FAM117B: variants seen among roughly 807,000 people sequenced by gnomAD.
FAM117B encodes the protein family with sequence similarity 117 member B.
A neutral mutation model predicts 52.8 loss-of-function variants in FAM117B; 22 were observed. That is an observed-to-expected ratio of 0.42 (90% CI 0.30 to 0.59). The LOEUF is 0.59. Ranked by LOEUF, FAM117B falls within the 20% of genes least tolerant of loss-of-function variation. FAM117B has a pLI of 0.22. For synonymous variants in FAM117B, 309 were observed against 324.1 expected, an observed-to-expected ratio of 0.95 and a Z score of 0.50; for missense variants, 678 against 802.6, an observed-to-expected ratio of 0.84 and a Z score of 1.88.
chr2:202,726,843 G>A (rs1312037207), intron 4 of FAM117B, among the ~76,000 whole-genome samples: 1 of 151,906 alleles, frequency 6.6e-6, no homozygotes, highest in Non-Finnish European at 1.5e-5. Context: ...TAAATGATGA[G>A]TTAATGGGTA....
intron 1 of FAM117B, among the ~76,000 whole-genome samples, chr2:202,676,375 GT>G (rs71030983): frequency 0.7 from 91,123 of 130,886 alleles, 30,832 homozygotes; most frequent in Non-Finnish European, 0.77. Flanking sequence ...AATATTCCTT[GT>G]TTTTTTTTTT....
At chr2:202,648,392 C>T (rs1329147956) in intron 1 of FAM117B, among the ~76,000 whole-genome samples, 1 of 151,908 alleles carries the variant, frequency 6.6e-6, no homozygotes, top group African/African-American at 2.4e-5. Context: ...CGGTGTGCGC[C>T]TGTAGTCCCA....
chr2:202,748,437 A>G (rs1410722671), intron 4 of FAM117B, among the ~76,000 whole-genome samples: 1 of 152,150 alleles, frequency 6.6e-6, no homozygotes, highest in African/African-American at 2.4e-5. Context: ...ATGAGACTAT[A>G]TTAAATTTAA....
intron 1 of FAM117B, among the ~76,000 whole-genome samples, chr2:202,684,494 G>A (rs13394639): frequency 0.09 from 13,677 of 152,102 alleles, 2,069 homozygotes; most frequent in African/African-American, 0.31. Flanking sequence ...CAGCTCTCGT[G>A]TTATAAACAA....
intron 2 of FAM117B, 82 bp from the exon 3 acceptor site, chr2:202,724,835 A>C (rs1352277671): frequency 1.0e-6 from 1 of 957,960 alleles, no homozygotes. Context: ...TAATGGAAAT[A>C]TGTTTTATAA....
At chr2:202,714,361 T>A (rs913725222) in intron 2 of FAM117B, among the ~76,000 whole-genome samples, 3 of 152,158 alleles carry the variant, frequency 2.0e-5, no homozygotes, top group African/African-American at 4.8e-5. Flanking sequence ...TTTTTTGTTG[T>A]TGATTTTATG....
At chr2:202,678,026 C>T (rs1690403966) in intron 1 of FAM117B, among the ~76,000 whole-genome samples, 1 of 152,114 alleles carries the variant, frequency 6.6e-6, no homozygotes. Context: ...CTGGATGATA[C>T]ATCAGGAGTC....
intron 4 of FAM117B, among the ~76,000 whole-genome samples, chr2:202,737,550 A>C (rs1294198520): frequency 1.3e-5 from 2 of 151,992 alleles, no homozygotes; most frequent in Admixed American, 1.3e-4. Context: ...GTCTTCTTTC[A>C]CTCAACGATA....
At chr2:202,691,979 AAAGC>A (rs1400883668) in intron 1 of FAM117B, among the ~76,000 whole-genome samples, 27 of 152,276 alleles carry the variant, frequency 1.8e-4, no homozygotes, top group Middle Eastern at 6.8e-3. Context: ...AATAACTGAG[AAAGC>A]AAATTATGTG....
rs529253463 is a variant in FAM117B at position 202,692,148 on chromosome 2, T to G, written c.602-3733T>G. Among the ~76,000 whole-genome samples, 3 of 152,298 alleles carry G rather than the reference T, an allele frequency of 2.0e-5. No homozygotes were observed. The East Asian group carries it at 5.8e-4, about 29-fold the overall frequency. On this transcript the variant is annotated intron_variant, in intron 1 of 7. Coordinates refer to ENST00000392238, the MANE Select transcript of FAM117B (RefSeq NM_173511.4). ...CAAGACCCTTACCAAGATAATAATG[T>G]AATATAGAGAGGTGTCAAGAGGTGT...
chr2:202,710,488 A>G (rs1402754594), intron 2 of FAM117B, among the ~76,000 whole-genome samples: 2 of 152,172 alleles, frequency 1.3e-5, no homozygotes, highest in Admixed American at 1.3e-4. Context: ...ATATTTGATT[A>G]TAATGCATAA....
chr2:202,748,934 T>G (rs942660478), intron 4 of FAM117B, among the ~76,000 whole-genome samples: 3 of 152,104 alleles, frequency 2.0e-5, no homozygotes, highest in South Asian at 2.1e-4. Context: ...AAAATGTGGT[T>G]GTGTGTGTGC....
chr2:202,716,987 C>T (rs1314986931), intron 2 of FAM117B, among the ~76,000 whole-genome samples: 1 of 152,170 alleles, frequency 6.6e-6, no homozygotes, highest in East Asian at 1.9e-4. Context: ...TCTTAAAGGT[C>T]ACATATCTGT....
At chr2:202,669,335 A>T (rs959483615) in intron 1 of FAM117B, among the ~76,000 whole-genome samples, 1 of 152,174 alleles carries the variant, frequency 6.6e-6, no homozygotes, top group Non-Finnish European at 1.5e-5. Flanking sequence ...TACCAGTCAT[A>T]TGGTATCAGT....
chr2:202,649,915 T>G (rs1285562369), intron 1 of FAM117B, among the ~76,000 whole-genome samples: 1 of 152,192 alleles, frequency 6.6e-6, no homozygotes, highest in Non-Finnish European at 1.5e-5. Flanking sequence ...TTGCCCAGGC[T>G]GGAGTGCAGT....
Position 202,650,961 on chromosome 2 carries a change from G to A in FAM117B, c.601+15173G>A, listed in dbSNP as rs1004690972. On this transcript the variant is annotated intron_variant, in intron 1 of 7. Coordinates refer to ENST00000392238, the MANE Select transcript of FAM117B (RefSeq NM_173511.4). ...GCAACACCCTCACAAACAAACCCGG[G>A]AACAATACTTTGCATCCTTCAATAC... Among the ~76,000 whole-genome samples, 3 of 151,628 alleles carry A rather than the reference G, an allele frequency of 2.0e-5. No homozygotes were observed. In the South Asian group the frequency reaches 6.3e-4, roughly 32 times the overall value.
At chr2:202,726,773 C>T (rs1260821696) in intron 4 of FAM117B, among the ~76,000 whole-genome samples, 1 of 151,950 alleles carries the variant, frequency 6.6e-6, no homozygotes, top group African/African-American at 2.4e-5. Context: ...CATCACACAC[C>T]AGGGCCTGTT....
Position 202,765,583 on chromosome 2 carries a change from AG to A in FAM117B, c.1592del (p.Gly531AlafsTer6). ...PLLPTPDLTLKGSGHSLTVTT... is the reference protein window; with the variant it reads ...PLLPTPDLTLXGSGHSLTVTT... ...CTTCCTACCCCGGATCTTACACTCA[AG>A]GGCTCTGGCCACAGCCTGACAGTCA... On this transcript the variant is annotated frameshift_variant, in exon 8 of 8. Transcript: ENST00000392238. LOFTEE classifies it high-confidence loss of function. 6.2e-7 allele frequency: 1 copy of A among 1,614,050 alleles called. No homozygotes were observed. The highest frequency in any genetic ancestry group is 1.1e-5 in the South Asian group (1 of 91,066).
chr2:202,718,182 T>C (rs1691087488), intron 2 of FAM117B, among the ~76,000 whole-genome samples: 1 of 151,490 alleles, frequency 6.6e-6, no homozygotes, highest in Non-Finnish European at 1.5e-5. Context: ...TTCAGGGCAG[T>C]GGTTTCCCCT....
Sources: allele counts gnomAD v4.1 joint callset (sites outside exome capture counted in the v4.1 genomes callset), GRCh38; gene constraint gnomAD v4.1.1; transcripts MANE v1.5; gene names NCBI Gene and HGNC (gene_info 2026-07-23, HGNC 2026-07-21).